NLN: variants seen among roughly 807,000 people sequenced by gnomAD.
NLN encodes the protein neurolysin, mitochondrial.
NLN carries 64 observed loss-of-function variants against 79.9 expected under a neutral mutation model. The observed-to-expected ratio is 0.80, with a 90% CI of 0.65 to 0.99. NLN has a LOEUF of 0.99. Among genes scored for constraint, NLN ranks in the 50% least tolerant of loss-of-function variants. The probability of loss-of-function intolerance (pLI) is 0.00; values close to 1 mark genes in which losing one functional copy is unlikely to be tolerated. For synonymous variants in NLN, 267 were observed against 296.6 expected, an observed-to-expected ratio of 0.90 and a Z score of 1.02; for missense variants, 835 against 858.7, an observed-to-expected ratio of 0.97 and a Z score of 0.34.
chr5:65,804,131 T>C lies in NLN; in HGVS notation c.1528-5384T>C, dbSNP rs186838960. ...CATCCAAGAGGATTTAGTCATTTTG[T>C]AATATCATTTAACCTTTTTTTTCCA... On this transcript the variant is annotated intron_variant, in intron 9 of 12. Coordinates refer to ENST00000380985, the MANE Select transcript of NLN (RefSeq NM_020726.5). 2.2e-3 allele frequency among the ~76,000 whole-genome samples: 328 copies of C among 152,364 alleles called. 1 individual carries two copies. The highest frequency in any genetic ancestry group is 7.5e-3 in the African/African-American group (311 of 41,584).
intron 9 of NLN, among the ~76,000 whole-genome samples, chr5:65,804,441 A>C (rs1426392537): frequency 6.6e-6 from 1 of 151,894 alleles, no homozygotes; most frequent in Admixed American, 6.6e-5. Context: ...TATGTCAACC[A>C]TGCTTTAAAC....
At chr5:65,794,681 G>T (rs929113855) in intron 9 of NLN, among the ~76,000 whole-genome samples, 7 of 152,022 alleles carry the variant, frequency 4.6e-5, no homozygotes, top group African/African-American at 1.2e-4. Flanking sequence ...TAGTTTTTTT[G>T]ATTTATGTGA....
At chr5:65,820,630 A>G (rs1183960594) in intron 12 of NLN, among the ~76,000 whole-genome samples, 2 of 152,206 alleles carry the variant, frequency 1.3e-5, no homozygotes, top group Non-Finnish European at 2.9e-5. Flanking sequence ...AAAATCCATG[A>G]CAAGCACAGC....
intron 2 of NLN, among the ~76,000 whole-genome samples, chr5:65,761,728 G>A (rs147040854): frequency 1.3e-5 from 2 of 152,124 alleles, no homozygotes; most frequent in African/African-American, 4.8e-5. Flanking sequence ...AATCCTAAAA[G>A]CATAATTTCA....
chr5:65,797,315 T>G (rs955020989), intron 9 of NLN, among the ~76,000 whole-genome samples: 13 of 152,242 alleles, frequency 8.5e-5, no homozygotes, highest in African/African-American at 2.9e-4. Context: ...ACTAAAGCCT[T>G]CTTAATTAAA....
At chr5:65,774,683 T>C (rs1759640656) in intron 3 of NLN, among the ~76,000 whole-genome samples, 1 of 151,076 alleles carries the variant, frequency 6.6e-6, no homozygotes, top group Admixed American at 6.6e-5. Context: ...GTTAAAGATT[T>C]CATTACAGTT....
intron 3 of NLN, among the ~76,000 whole-genome samples, chr5:65,773,948 T>A (rs552859274): frequency 3.3e-5 from 5 of 151,468 alleles, no homozygotes; most frequent in African/African-American, 1.2e-4. Flanking sequence ...GTCTCAAAAA[T>A]AATAATAATA....
intron 3 of NLN, among the ~76,000 whole-genome samples, chr5:65,766,441 A>G (rs1215701405): frequency 1.3e-5 from 2 of 152,154 alleles, no homozygotes; most frequent in Non-Finnish European, 2.9e-5. Flanking sequence ...CTCACTCACC[A>G]TCACGAGAAC....
At chr5:65,729,469 G>C (rs1351896374) in intron 1 of NLN, among the ~76,000 whole-genome samples, 2 of 150,270 alleles carry the variant, frequency 1.3e-5, no homozygotes, top group Non-Finnish European at 3.0e-5. Context: ...CCGCCTCCTG[G>C]GTTCAAGTGA....
chr5:65,788,067 A>T, intron 7 of NLN, 51 bp from the exon 8 acceptor site: 1 of 1,564,820 alleles, frequency 6.4e-7, no homozygotes, highest in Non-Finnish European at 8.7e-7. Flanking sequence ...ATTTATGAGT[A>T]TGCTTGCTTC....
At position 65,828,917 on chromosome 5, in the gene NLN, T is replaced by C. The variant is rs1054508795; in HGVS notation, c.*6002T>C. The C allele has an allele frequency of 2.0e-5, 3 of 152,234 alleles. No homozygotes were observed. Among genetic ancestry groups the C allele is most frequent in the Non-Finnish European group, 4.4e-5 (3 of 68,052 alleles). 9.4% of individuals were successfully genotyped at this position (152,234 alleles called of 1,614,324 possible). On this transcript the variant is annotated 3_prime_UTR_variant, in exon 13 of 13. Transcript: ENST00000380985. ...TGGCTTAAGGTTGCCTCGCTCCTCA[T>C]CTGTAATCAGTGAAAGTTTATCCAG...
At chr5:65,784,191 T>A (rs1028214172) in intron 6 of NLN, among the ~76,000 whole-genome samples, 9 of 152,200 alleles carry the variant, frequency 5.9e-5, no homozygotes, top group African/African-American at 2.2e-4. Context: ...GCTGATTTGA[T>A]TATTGGAATC....
chr5:65,735,441 T>A (rs1470835357), intron 1 of NLN, among the ~76,000 whole-genome samples: 1 of 152,190 alleles, frequency 6.6e-6, no homozygotes, highest in Non-Finnish European at 1.5e-5. Flanking sequence ...TGCCTCAGTG[T>A]CACCATTTAC....
chr5:65,800,665 TA>T lies in NLN; in HGVS notation c.1527+8011del, dbSNP rs367949562. ...GCTTGGATAGTGAAGAAAACTCTCT[TA>T]TTTATTTATTTATTTATTTATTTAT... is the stretch of plus-strand genomic sequence containing the variant. On this transcript the variant is annotated intron_variant, in intron 9 of 12. Transcript: ENST00000380985. Among the ~76,000 whole-genome samples, 32 of 80,690 alleles carry T rather than the reference TA, an allele frequency of 4.0e-4. 1 individual carries two copies. Among genetic ancestry groups the T allele is most frequent in the Admixed American group, 7.3e-4 (7 of 9,538 alleles). 52.9% of individuals were successfully genotyped at this position (80,690 alleles called of 152,430 possible).
At chr5:65,758,461 A>G in intron 1 of NLN, 106 bp from the exon 2 acceptor site, 2 of 757,030 alleles carry the variant, frequency 2.6e-6, no homozygotes, top group South Asian at 2.2e-5. Flanking sequence ...TGTTTTTTTA[A>G]AAAGGTTCTT....
chr5:65,744,272 A>G (rs1758926220), intron 1 of NLN, among the ~76,000 whole-genome samples: 2 of 152,158 alleles, frequency 1.3e-5, no homozygotes, highest in Admixed American at 1.3e-4. Context: ...TGCTGGGATT[A>G]CAGGCGTGAG....
At chr5:65,815,215 A>G (rs1159252396) in intron 12 of NLN, among the ~76,000 whole-genome samples, 7 of 152,186 alleles carry the variant, frequency 4.6e-5, no homozygotes, top group Admixed American at 4.6e-4. Context: ...CCATATACCC[A>G]GAACCCTCTA....
At chr5:65,759,255 T>C (rs1035523908) in intron 2 of NLN, among the ~76,000 whole-genome samples, 1 of 152,144 alleles carries the variant, frequency 6.6e-6, no homozygotes, top group African/African-American at 2.4e-5. Flanking sequence ...TCTGTAATGC[T>C]GTATAACCAT....
intron 1 of NLN, among the ~76,000 whole-genome samples, chr5:65,724,073 G>A (rs1485589973): frequency 2.4e-5 from 2 of 81,666 alleles, no homozygotes; most frequent in African/African-American, 5.0e-5. Context: ...CCCCCAATCA[G>A]TGAGAAGATT....
Sources: gnomAD v4.1 joint callset for allele counts (sites outside exome capture counted in the v4.1 genomes callset) on GRCh38, gnomAD v4.1.1 for gene constraint, MANE v1.5 for transcripts, NCBI Gene and HGNC (gene_info 2026-07-23, HGNC 2026-07-21) for gene names.